Variants in TEAD1 observed in about 807,000 individuals in gnomAD.
TEAD1 encodes the protein transcriptional enhancer factor TEF-1.
A neutral mutation model predicts 54.9 loss-of-function variants in TEAD1; 9 were observed. The ratio of observed to expected loss-of-function variants is 0.16; its 90% CI spans 0.10 to 0.29. The LOEUF (loss-of-function observed/expected upper bound fraction) is 0.29, where lower values mean the gene tolerates loss of function less well. Ranked by LOEUF, TEAD1 falls within the 10% of genes least tolerant of loss-of-function variation. TEAD1 has a pLI of 1.00. For missense variants in TEAD1, 387 were observed against 535.9 expected (o/e 0.72, Z 2.74); for synonymous variants, 200 against 187.8 (o/e 1.07, Z -0.53).
At chr11:12,826,612 G>A (rs1946661548) in intron 3 of TEAD1, among the ~76,000 whole-genome samples, 1 of 152,158 alleles carries the variant, frequency 6.6e-6, no homozygotes, top group Admixed American at 6.5e-5. Context: ...CCTCTTACCG[G>A]TTTTGCAAAC....
At chr11:12,904,396 T>G (rs1453808668) in intron 10 of TEAD1, among the ~76,000 whole-genome samples, 1 of 152,218 alleles carries the variant, frequency 6.6e-6, no homozygotes, top group South Asian at 2.1e-4. Flanking sequence ...TAAAGACTTT[T>G]CTGATGAGAT....
intron 11 of TEAD1, among the ~76,000 whole-genome samples, chr11:12,926,090 A>C (rs1455647264): frequency 1.3e-5 from 2 of 152,144 alleles, no homozygotes; most frequent in East Asian, 3.9e-4. Context: ...CCATCACCCA[A>C]TTAATTGATC....
chr11:12,675,100 C>G (rs1223584491), intron 1 of TEAD1, among the ~76,000 whole-genome samples: 1 of 146,720 alleles, frequency 6.8e-6, no homozygotes, highest in Non-Finnish European at 1.5e-5. Flanking sequence ...CAGGCGGCCC[C>G]CGGCCGGCCG....
intron 3 of TEAD1, among the ~76,000 whole-genome samples, chr11:12,805,146 G>A (rs1564945851): frequency 6.6e-6 from 1 of 152,184 alleles, no homozygotes; most frequent in Non-Finnish European, 1.5e-5. Flanking sequence ...TACTGTGAAG[G>A]TCAACAATAT....
At chr11:12,925,197 C>A in intron 11 of TEAD1, 145 bp downstream of exon 11, 1 of 948,380 alleles carries the variant, frequency 1.1e-6, no homozygotes, top group Non-Finnish European at 1.6e-6. Flanking sequence ...CTATGAAGAA[C>A]TACCTGAAAA....
At chr11:12,928,599 A>G (rs555896588) in intron 11 of TEAD1, among the ~76,000 whole-genome samples, 173 of 149,072 alleles carry the variant, frequency 1.2e-3, no homozygotes, top group African/African-American at 4.2e-3. Flanking sequence ...CTGTTTGCCA[A>G]ATTTCAGTCT....
intron 9 of TEAD1, among the ~76,000 whole-genome samples, chr11:12,892,515 G>A (rs1033816974): frequency 3.3e-5 from 5 of 152,108 alleles, no homozygotes; most frequent in African/African-American, 1.2e-4. Context: ...ATGATGGTGG[G>A]TGCCTGTAAT....
At chr11:12,697,094 G>T (rs1475461895) in intron 2 of TEAD1, among the ~76,000 whole-genome samples, 1 of 152,116 alleles carries the variant, frequency 6.6e-6, no homozygotes, top group Non-Finnish European at 1.5e-5. Context: ...GTTCTGGTTG[G>T]CTGAGCACGG....
intron 9 of TEAD1, among the ~76,000 whole-genome samples, chr11:12,893,372 C>T (rs893447218): frequency 3.3e-5 from 5 of 152,158 alleles, no homozygotes; most frequent in East Asian, 1.9e-4. Context: ...GAGCCACCTG[C>T]GAGCCCCTCC....
Position 12,674,440 on chromosome 11 carries a change from T to C in TEAD1, c.-602T>C, listed in dbSNP as rs1172580817. 6.7e-6 allele frequency among the ~76,000 whole-genome samples: 1 copy of C among 149,588 alleles called. No homozygotes were observed. Among genetic ancestry groups the C allele is most frequent in the Non-Finnish European group, 1.5e-5 (1 of 67,202 alleles). The stretch of plus-strand genomic sequence containing the variant: ...GTCCTCATTCCGAACATTCTTAGCA[T>C]CGCTCGCGCCGCGCCGCGCCGCCTG... On this transcript the variant is annotated 5_prime_UTR_variant, in exon 1 of 13. Coordinates refer to ENST00000527636, the MANE Select transcript of TEAD1 (RefSeq NM_021961.6).
chr11:12,922,642 A>G (rs1948831162), intron 10 of TEAD1: 1 of 152,108 alleles, frequency 6.6e-6, no homozygotes. Context: ...GAATCTGCCA[A>G]ATCTGGAGCA....
chr11:12,746,131 T>C (rs985510441), intron 2 of TEAD1, among the ~76,000 whole-genome samples: 5 of 152,186 alleles, frequency 3.3e-5, no homozygotes, highest in Non-Finnish European at 4.4e-5. Flanking sequence ...TTAACTTTAT[T>C]TGAAATATCC....
rs1372215228 is a variant in TEAD1 at position 12,942,275 on chromosome 11, T to C, written c.*5053T>C. 6.6e-6 allele frequency: 1 copy of C among 152,634 alleles called. No homozygotes were observed. The highest frequency in any genetic ancestry group is 2.4e-5 in the African/African-American group (1 of 41,450). The allele number at this position is 152,634 out of a possible 1,614,324, so 9.5% of individuals were successfully genotyped here. ...AAAAGTGCTGCCATAATAACGATAA[T>C]TTGTAGAGAGACCAAAAATATTTTG... is the stretch of plus-strand genomic sequence containing the variant. On this transcript the variant is annotated 3_prime_UTR_variant, in exon 13 of 13. Coordinates refer to ENST00000527636, the MANE Select transcript of TEAD1 (RefSeq NM_021961.6).
intron 2 of TEAD1, among the ~76,000 whole-genome samples, chr11:12,702,438 G>A (rs966265136): frequency 6.6e-6 from 1 of 152,022 alleles, no homozygotes; most frequent in Admixed American, 6.5e-5. Context: ...TAAATGTACC[G>A]TAGCCAAGTT....
chr11:12,881,342 T>C (rs72860883), intron 7 of TEAD1, among the ~76,000 whole-genome samples: 16,784 of 152,130 alleles, frequency 0.11, 1,117 homozygotes, highest in Non-Finnish European at 0.15. Context: ...AAGGCTGAGC[T>C]GTGGTCCTCC....
Position 12,937,368 on chromosome 11 carries a change from A to C in TEAD1, c.*146A>C, listed in dbSNP as rs1245144926. 2 of 627,302 alleles carry C rather than the reference A, an allele frequency of 3.2e-6. No individual in the cohort carries two copies. Among genetic ancestry groups the C allele is most frequent in the Admixed American group, 5.6e-5 (2 of 35,944 alleles). The allele number at this position is 627,302 out of a possible 1,614,324, so 38.9% of individuals were successfully genotyped here. On this transcript the variant is annotated 3_prime_UTR_variant, in exon 13 of 13. Transcript: ENST00000527636. ...CCCCGAGGTCACCCCGACTTTTCTA[A>C]ATCTTGTTTGAGTGAAGTCATTTTT... is the stretch of plus-strand genomic sequence containing the variant.
In TEAD1 at chr11:12,798,459, T is replaced by C. The variant is rs1945983040; in HGVS notation, c.202+34025T>C. 2.0e-5 allele frequency among the ~76,000 whole-genome samples: 3 copies of C among 152,236 alleles called. No homozygotes were observed. The South Asian group carries it at 6.2e-4, about 32-fold the overall frequency. On this transcript the variant is annotated intron_variant, in intron 3 of 12. Coordinates refer to ENST00000527636, the MANE Select transcript of TEAD1 (RefSeq NM_021961.6). ...GAAGGCCCCTAAAGACAGGGCTCCATTGGTGTTAAACTGCCATCTTCAAGG... is the reference window on the plus strand; with the variant it reads ...GAAGGCCCCTAAAGACAGGGCTCCACTGGTGTTAAACTGCCATCTTCAAGG...
chr11:12,885,615 T>C (rs1267904336), intron 9 of TEAD1, among the ~76,000 whole-genome samples: 1 of 152,162 alleles, frequency 6.6e-6, no homozygotes, highest in Admixed American at 6.5e-5. Flanking sequence ...AGGAAACAGC[T>C]CCAAGACACT....
At chr11:12,878,367 GCTGGTA>G (rs1947899038) in intron 5 of TEAD1, among the ~76,000 whole-genome samples, 1 of 152,052 alleles carries the variant, frequency 6.6e-6, no homozygotes, top group South Asian at 2.1e-4. Context: ...CACCCTCTCT[GCTGGTA>G]CTTGGTGTCT....
Sources: gnomAD v4.1 joint callset for allele counts (sites outside exome capture counted in the v4.1 genomes callset) on GRCh38, gnomAD v4.1.1 for gene constraint, MANE v1.5 for transcripts, NCBI Gene and HGNC (gene_info 2026-07-23, HGNC 2026-07-21) for gene names.